Variants in TRIM33 observed in about 807,000 individuals in gnomAD.
The protein encoded by TRIM33 is E3 ubiquitin-protein ligase TRIM33.
A neutral mutation model predicts 125.4 loss-of-function variants in TRIM33; 20 were observed. That is an observed-to-expected ratio of 0.16 (90% CI 0.11 to 0.23). TRIM33 has a LOEUF of 0.23. TRIM33 is among the 10% of genes least tolerant of loss of function. The probability of loss-of-function intolerance (pLI) is 1.00; values close to 1 mark genes in which losing one functional copy is unlikely to be tolerated. For synonymous variants in TRIM33, 564 were observed against 513.9 expected, an observed-to-expected ratio of 1.10 and a Z score of -1.32; for missense variants, 920 against 1,411.4, an observed-to-expected ratio of 0.65 and a Z score of 5.58.
intron 1 of TRIM33, among the ~76,000 whole-genome samples, chr1:114,499,154 CCAAG>C (rs1053401353): frequency 6.6e-5 from 10 of 152,020 alleles, no homozygotes; most frequent in Admixed American, 2.0e-4. Flanking sequence ...TCATATCCAG[CCAAG>C]CTATCATTTA....
intron 2 of TRIM33, 120 bp from the exon 3 acceptor site, chr1:114,463,676 T>C: frequency 3.1e-6 from 2 of 634,920 alleles, no homozygotes; most frequent in Non-Finnish European, 5.3e-6. Context: ...TATTTTGTTA[T>C]CCATTTATCT....
Position 114,425,601 on chromosome 1 carries a change from G to T in TRIM33, c.1543C>A (p.Arg515=). ...TPGQINLAQL[R]LQHMQQQVYA... The stretch of plus-strand genomic sequence containing the variant: ...ACTTGTTGTTGCATGTGCTGGAGTC[G>T]AAGCTGTGCTAAGTTAATCTGTCCA... The change falls in exon 9 of 20, where the codon CGA becomes AGA. Residue 515 remains arginine, a synonymous_variant. Coordinates refer to ENST00000358465, the MANE Select transcript of TRIM33 (RefSeq NM_015906.4). 2 of 1,614,090 alleles carry T rather than the reference G, an allele frequency of 1.2e-6. No homozygotes were observed. Among genetic ancestry groups the T allele is most frequent in the Non-Finnish European group, 1.7e-6 (2 of 1,180,018 alleles).
chr1:114,482,809 A>G (rs1651441575), intron 1 of TRIM33, among the ~76,000 whole-genome samples: 2 of 152,150 alleles, frequency 1.3e-5, no homozygotes, highest in South Asian at 4.1e-4. Flanking sequence ...CCGTATGAAG[A>G]TGTGCTTAAC....
intron 1 of TRIM33, among the ~76,000 whole-genome samples, chr1:114,471,230 C>T (rs947682986): frequency 3.9e-5 from 6 of 152,118 alleles, no homozygotes; most frequent in Non-Finnish European, 5.9e-5. Flanking sequence ...GGGCGGATGG[C>T]GAAGTCAAGA....
Position 114,407,135 on chromosome 1 carries a change from T to C in TRIM33, c.2259-35A>G, listed in dbSNP as rs1418688288. On this transcript the variant is annotated intron_variant, in intron 13 of 19. Transcript: ENST00000358465. Reference sequence around the variant, plus strand: ...AACAACAAATAAAGATCACATACGTTTGACTATATGGTATAAATAAAAACA... The same window carrying C: ...AACAACAAATAAAGATCACATACGTCTGACTATATGGTATAAATAAAAACA... 3 of 1,573,654 alleles carry C rather than the reference T, an allele frequency of 1.9e-6. No individual in the cohort carries two copies. The Admixed American group carries it at 5.3e-5, about 28-fold the overall frequency.
In TRIM33 at chr1:114,464,393, A is replaced by G; in HGVS notation, c.527-5T>C. Reference sequence around the variant, plus strand: ...CTGGGCACCGTATTACACCAACTACAACATAAAATAACAACATTTTAAAAT... The same window carrying G: ...CTGGGCACCGTATTACACCAACTACGACATAAAATAACAACATTTTAAAAT... On this transcript the variant is annotated splice_region_variant and splice_polypyrimidine_tract_variant and intron_variant, in intron 1 of 19. Transcript: ENST00000358465. 7.0e-7 allele frequency: 1 copy of G among 1,425,374 alleles called. No homozygotes were observed. The highest frequency in any genetic ancestry group is 9.7e-7 in the Non-Finnish European group (1 of 1,033,932). 88.3% of individuals were successfully genotyped at this position (1,425,374 alleles called of 1,614,324 possible).
At position 114,430,693 on chromosome 1, in the gene TRIM33, T is replaced by C. The variant is rs537772336; in HGVS notation, c.1155+105A>G. ...AAAAACCTTATTTTACGTTTTCCTT[T>C]ATTTCCATACCCCCCAATCCATCTA... On this transcript the variant is annotated intron_variant, in intron 6 of 19. Coordinates refer to ENST00000358465, the MANE Select transcript of TRIM33 (RefSeq NM_015906.4). 7.1e-4 allele frequency: 508 copies of C among 718,012 alleles called. 4 individuals carry two copies. Among genetic ancestry groups the C allele is most frequent in the Middle Eastern group, 3.4e-3 (14 of 4,138 alleles). The allele number at this position is 718,012 out of a possible 1,614,324, so 44.5% of individuals were successfully genotyped here. A position where few individuals can be genotyped will look rare whatever the true frequency, so the allele number is the denominator to read the frequency against.
At chr1:114,454,215 G>A (rs1649496026) in intron 4 of TRIM33, among the ~76,000 whole-genome samples, 1 of 152,152 alleles carries the variant, frequency 6.6e-6, no homozygotes, top group South Asian at 2.1e-4. Flanking sequence ...GAAGAGGGAG[G>A]ATGAGAAGGT....
intron 15 of TRIM33, chr1:114,404,884 CA>C (rs1652136077): frequency 6.8e-6 from 1 of 147,968 alleles, no homozygotes; most frequent in African/African-American, 2.5e-5. Flanking sequence ...TTACTTTCAC[CA>C]AAAAGAAATT....
At chr1:114,419,701 T>C (rs1298780553) in intron 11 of TRIM33, among the ~76,000 whole-genome samples, 1 of 152,210 alleles carries the variant, frequency 6.6e-6, no homozygotes, top group Non-Finnish European at 1.5e-5. Flanking sequence ...CTGAACAATT[T>C]TGTTAACAGT....
chr1:114,440,363 T>C (rs532835005), intron 4 of TRIM33, among the ~76,000 whole-genome samples: 42 of 149,484 alleles, frequency 2.8e-4, no homozygotes, highest in Non-Finnish European at 4.6e-4. Context: ...AAAAAAAAAA[T>C]TGCATAATTT....
chr1:114,434,255 C>T (rs1648143788), intron 4 of TRIM33, among the ~76,000 whole-genome samples: 1 of 152,192 alleles, frequency 6.6e-6, no homozygotes, highest in African/African-American at 2.4e-5. Flanking sequence ...ATCCTCCTGC[C>T]TTGGCCTCTC....
intron 11 of TRIM33, among the ~76,000 whole-genome samples, chr1:114,420,827 T>C (rs993968642): frequency 6.6e-6 from 1 of 152,190 alleles, no homozygotes; most frequent in Non-Finnish European, 1.5e-5. Flanking sequence ...TATAATACAC[T>C]ATCAATCAAC....
rs568860090 is a variant in TRIM33, at chr1:114,421,349, A to AT, written c.2061+86dup. On this transcript the variant is annotated intron_variant, in intron 11 of 19. Transcript: ENST00000358465. ...AATTTCAAGGAAATGTTGATCCTGA[A>AT]TTAAAAAAAAAAAACTCTGAAATAA... The AT allele has an allele frequency of 4.8e-6, 6 of 1,253,128 alleles. No individual in the cohort carries two copies. In the South Asian group the frequency reaches 6.9e-5, roughly 14 times the overall value. The allele number at this position is 1,253,128 out of a possible 1,614,324, so 77.6% of individuals were successfully genotyped here. A position where few individuals can be genotyped will look rare whatever the true frequency, so the allele number is the denominator to read the frequency against.
At chr1:114,434,891 G>A (rs1270089868) in intron 4 of TRIM33, among the ~76,000 whole-genome samples, 1 of 152,158 alleles carries the variant, frequency 6.6e-6, no homozygotes, top group Non-Finnish European at 1.5e-5. Flanking sequence ...TTTGAGACAT[G>A]TAAATACTTC....
intron 12 of TRIM33, among the ~76,000 whole-genome samples, chr1:114,409,309 C>CTGAG (rs1413187969): frequency 6.6e-6 from 1 of 152,126 alleles, no homozygotes; most frequent in African/African-American, 2.4e-5. Context: ...AATTGAATCA[C>CTGAG]TGAGTAATAG....
At chr1:114,429,021 C>A (rs543142706) in intron 6 of TRIM33, among the ~76,000 whole-genome samples, 5 of 152,032 alleles carry the variant, frequency 3.3e-5, no homozygotes, top group Non-Finnish European at 7.4e-5. Flanking sequence ...CTATTTTAGA[C>A]GTACAGCTCA....
At chr1:114,485,690 C>A (rs1651639534) in intron 1 of TRIM33, among the ~76,000 whole-genome samples, 1 of 152,128 alleles carries the variant, frequency 6.6e-6, no homozygotes, top group African/African-American at 2.4e-5. Flanking sequence ...CCACTTTTGC[C>A]AGGGTGGTGT....
chr1:114,413,519 T>C (rs1652715785), intron 11 of TRIM33, among the ~76,000 whole-genome samples: 2 of 141,100 alleles, frequency 1.4e-5, no homozygotes, highest in African/African-American at 2.7e-5. Flanking sequence ...GATCGTGCTA[T>C]TGCACATCAG....
Sources: allele counts gnomAD v4.1 joint callset (sites outside exome capture counted in the v4.1 genomes callset), GRCh38; gene constraint gnomAD v4.1.1; transcripts MANE v1.5; gene names NCBI Gene and HGNC (gene_info 2026-07-23, HGNC 2026-07-21).